The following SYNE2 variants were observed in gnomAD, a reference collection of about 807,000 sequenced individuals.
SYNE2 encodes the protein nesprin-2.
Under a neutral mutation model 856.3 loss-of-function variants are expected in SYNE2, and 431 were observed. The ratio of observed to expected loss-of-function variants is 0.50; its 90% CI spans 0.47 to 0.55. The LOEUF is 0.55. Among genes scored for constraint, SYNE2 ranks in the 20% least tolerant of loss-of-function variants. The pLI, the probability that SYNE2 is intolerant of heterozygous loss-of-function variation, is 0.00. For synonymous variants in SYNE2, 2,923 were observed against 2,872.3 expected (o/e 1.02, Z -0.56); for missense variants, 8,129 against 8,023.2 (o/e 1.01, Z -0.50).
At chr14:63,889,610 G>A (rs1218825605) in intron 1 of SYNE2, among the ~76,000 whole-genome samples, 1 of 151,900 alleles carries the variant, frequency 6.6e-6, no homozygotes, top group African/African-American at 2.4e-5. Flanking sequence ...TTGAGCAGCT[G>A]GAACCACAGA....
intron 61 of SYNE2, among the ~76,000 whole-genome samples, chr14:64,094,290 C>T (rs969080957): frequency 2.0e-5 from 3 of 151,262 alleles, no homozygotes; most frequent in African/African-American, 2.4e-5. Flanking sequence ...GCCGAGATCG[C>T]GCCACTGCAC....
At chr14:63,851,450 T>C (rs527762677), upstream of SYNE2, among the ~76,000 whole-genome samples, 2 of 152,274 alleles carry the variant, frequency 1.3e-5, no homozygotes, top group Non-Finnish European at 2.9e-5. Context: ...TGTTAATAAA[T>C]CATGCAAAGC....
chr14:63,826,478 T>A (rs1889435562), intron 1 of SYNE2, among the ~76,000 whole-genome samples: 1 of 152,086 alleles, frequency 6.6e-6, no homozygotes, highest in African/African-American at 2.4e-5. Context: ...TTTTTTGTAT[T>A]TTTAGTAGAG....
At chr14:64,193,624 A>G (rs1487376907) in intron 99 of SYNE2, among the ~76,000 whole-genome samples, 3 of 152,184 alleles carry the variant, frequency 2.0e-5, no homozygotes, top group Admixed American at 6.5e-5. Context: ...CTATAAAACT[A>G]ACTTCAAGGT....
intron 85 of SYNE2, among the ~76,000 whole-genome samples, chr14:64,156,024 C>A (rs2098282415): frequency 2.0e-5 from 3 of 152,184 alleles, no homozygotes; most frequent in African/African-American, 4.8e-5. Flanking sequence ...AACACCTAGT[C>A]ATTTATTTCT....
chr14:63,967,953 A>G (rs1040190069), intron 11 of SYNE2, 107 bp downstream of exon 11: 1 of 1,107,114 alleles, frequency 9.0e-7, no homozygotes. Context: ...ACTTGAGGTC[A>G]GGAGTTTGAT....
At chr14:63,958,774 C>T (rs1032307442) in intron 8 of SYNE2, among the ~76,000 whole-genome samples, 4 of 82,192 alleles carry the variant, frequency 4.9e-5, no homozygotes, top group African/African-American at 1.6e-4. Context: ...CTGTTCTCCC[C>T]CATTTACTTA....
intron 1 of SYNE2, among the ~76,000 whole-genome samples, chr14:63,811,165 A>G (rs1241806089): frequency 1.3e-5 from 2 of 152,118 alleles, no homozygotes; most frequent in East Asian, 1.9e-4. Context: ...TCATGGCAAT[A>G]TACTTATTTG....
chr14:63,912,972 C>T (rs2095490926), intron 2 of SYNE2, among the ~76,000 whole-genome samples: 1 of 152,140 alleles, frequency 6.6e-6, no homozygotes. Context: ...CTTGCTCTGT[C>T]ACCCAGGCTG....
At position 64,132,026 on chromosome 14, in the gene SYNE2, C is replaced by G. The variant is rs530213381; in HGVS notation, c.14341-239C>G. Among the ~76,000 whole-genome samples, 54 of 152,104 alleles carry G rather than the reference C, an allele frequency of 3.6e-4. No individual in the cohort carries two copies. The East Asian group carries it at 9.6e-3, about 27-fold the overall frequency. On this transcript the variant is annotated intron_variant, in intron 76 of 115. Coordinates refer to ENST00000555002, the MANE Select transcript of SYNE2 (RefSeq NM_182914.3). The stretch of plus-strand genomic sequence containing the variant: ...TCGGCTCACTGCAACCTCCGCCTCC[C>G]GGGTTCAAATGATTCTCCTGCCTCA...
chr14:63,819,205 T>C (rs1889121538), intron 1 of SYNE2, among the ~76,000 whole-genome samples: 1 of 152,082 alleles, frequency 6.6e-6, no homozygotes, highest in Non-Finnish European at 1.5e-5. Flanking sequence ...AAGATTAACA[T>C]ACAAAAATCA....
chr14:64,006,820 C>T (rs1016895615), intron 30 of SYNE2, among the ~76,000 whole-genome samples: 7 of 152,048 alleles, frequency 4.6e-5, no homozygotes, highest in African/African-American at 1.7e-4. Context: ...GAGTGAGACC[C>T]TGTTTCCAGC....
At chr14:64,011,674 G>A (rs1379551584) in intron 32 of SYNE2, among the ~76,000 whole-genome samples, 3 of 152,064 alleles carry the variant, frequency 2.0e-5, no homozygotes, top group African/African-American at 7.2e-5. Flanking sequence ...CTCACTTCTG[G>A]CACCTTTCCT....
chr14:63,886,799 AC>A (rs750725687), intron 1 of SYNE2, among the ~76,000 whole-genome samples: 1 of 152,052 alleles, frequency 6.6e-6, no homozygotes, highest in African/African-American at 2.4e-5. Context: ...AGCTGGGACT[AC>A]AGGTGTGCTC....
At chr14:64,183,171 C>T (rs1048997256) in intron 96 of SYNE2, among the ~76,000 whole-genome samples, 1 of 143,960 alleles carries the variant, frequency 6.9e-6, no homozygotes, top group Non-Finnish European at 1.5e-5. Flanking sequence ...GGGCGACTGC[C>T]GGGCAGAGAC....
Position 64,224,001 on chromosome 14 carries a change from C to G in SYNE2, c.20383-460C>G, listed in dbSNP as rs142125940. Among the ~76,000 whole-genome samples the G allele has an allele frequency of 2.0e-3, 306 of 151,708 alleles. 1 individual carries two copies. The highest frequency in any genetic ancestry group is 7.2e-3 in the African/African-American group (298 of 41,320). ...TTCCTTGTTTACATTCCTTTTTGTC[C>G]GAAAAAGTCTGTTGTTGTTGGGAGT... On this transcript the variant is annotated intron_variant, in intron 113 of 115. Transcript: ENST00000555002.
intron 66 of SYNE2, among the ~76,000 whole-genome samples, chr14:64,117,702 C>T (rs1439795119): frequency 1.3e-5 from 2 of 152,164 alleles, no homozygotes; most frequent in Non-Finnish European, 2.9e-5. Flanking sequence ...TGACCCATCA[C>T]ATGAGGTTGG....
intron 2 of SYNE2, among the ~76,000 whole-genome samples, chr14:63,919,929 C>T (rs2095576806): frequency 7.0e-6 from 1 of 143,810 alleles, no homozygotes; most frequent in African/African-American, 2.7e-5. Flanking sequence ...TTTCAAGAAA[C>T]TTTGCTGTAA....
chr14:64,186,502 G>A lies in SYNE2; in HGVS notation c.17635G>A (p.Val5879Ile), dbSNP rs555731479. 1.8e-5 allele frequency: 29 copies of A among 1,614,228 alleles called. No homozygotes were observed. Among genetic ancestry groups the A allele is most frequent in the East Asian group, 4.5e-5 (2 of 44,894 alleles). Residue 5879 changes from valine to isoleucine, a missense_variant, in exon 97 of 116, where the codon GTT (valine) becomes ATT (isoleucine). Physicochemically the swap from Val to Ile is conservative, Grantham distance 29. Around this residue, in one of 3 missense-constraint regions of SYNE2, gnomAD observed 5,410 missense variants for 5,284.8 expected, o/e 1.02. Coordinates refer to ENST00000555002, the MANE Select transcript of SYNE2 (RefSeq NM_182914.3). The part of the protein sequence containing the change: ...QTMKADLTRH[V>I]LVEDVMVLKE... ...TATGAAGGCGGACTTAACCCGGCACGTTCTCGTGGAAGATGTGATGGTTTT... is the reference window on the plus strand; with the variant it reads ...TATGAAGGCGGACTTAACCCGGCACATTCTCGTGGAAGATGTGATGGTTTT...
Sources: allele counts gnomAD v4.1 joint callset (sites outside exome capture counted in the v4.1 genomes callset), GRCh38; gene constraint gnomAD v4.1.1; regional missense constraint gnomAD v4.1.1; transcripts MANE v1.5; gene names NCBI Gene and HGNC (gene_info 2026-07-23, HGNC 2026-07-21).